TOX3: variants seen among roughly 807,000 people sequenced by gnomAD.
TOX3 encodes TOX high mobility group box family member 3, also known as CAG trinucleotide repeat-containing gene F9 protein.
Under a neutral mutation model 64.3 loss-of-function variants are expected in TOX3, and 22 were observed. The observed-to-expected ratio is 0.34, with a 90% confidence interval of 0.24 to 0.49. TOX3 has a LOEUF of 0.49. Among genes scored for constraint, TOX3 ranks in the 20% least tolerant of loss-of-function variants. TOX3 has a pLI of 0.99. For synonymous variants in TOX3, 291 were observed against 273.6 expected, an observed-to-expected ratio of 1.06 and a Z score of -0.63; for missense variants, 661 against 714.4, an observed-to-expected ratio of 0.93 and a Z score of 0.85.
intron 4 of TOX3, among the ~76,000 whole-genome samples, chr16:52,449,622 C>T (rs529159661): frequency 6.6e-6 from 1 of 152,298 alleles, no homozygotes; most frequent in East Asian, 1.9e-4. Flanking sequence ...ATCACAAGAA[C>T]CAAACAAAAT....
In TOX3 at chr16:52,463,970, T is replaced by C; in HGVS notation, c.372A>G (p.Glu124=). Residue 124 remains glutamate, a synonymous_variant, in exon 3 of 7, where the codon GAA becomes GAG. Transcript: ENST00000219746. ...CACTGCTATGAAGCACGCCATCTTGTTCCACGAGATTTCTTGAGATTGTAA... is the reference window on the plus strand; with the variant it reads ...CACTGCTATGAAGCACGCCATCTTGCTCCACGAGATTTCTTGAGATTGTAA... The part of the protein sequence containing the change: ...PSITISRNLV[E]QDGVLHSSGL... The C allele has an allele frequency of 6.3e-7, 1 of 1,588,632 alleles. No homozygotes were observed. Among genetic ancestry groups the C allele is most frequent in the South Asian group, 1.2e-5 (1 of 86,840 alleles).
intron 1 of TOX3, among the ~76,000 whole-genome samples, chr16:52,494,138 T>A (rs1408563576): frequency 6.6e-6 from 1 of 152,214 alleles, no homozygotes; most frequent in African/African-American, 2.4e-5. Context: ...GCTAGGCTAA[T>A]TATTTTCTAA....
rs544721313 is a variant in TOX3, at chr16:52,506,378, C to T, written c.88-37804G>A. Among the ~76,000 whole-genome samples the T allele has an allele frequency of 1.1e-4, 16 of 152,286 alleles. No individual in the cohort carries two copies. In the South Asian group the frequency reaches 3.3e-3, roughly 32 times the overall value. On this transcript the variant is annotated intron_variant, in intron 1 of 6. Transcript: ENST00000219746. ...AAAGAGGATAGAACGAGAAGGTAAA[C>T]CATCTCTCAAAGGTGAGAAATCAAC...
At chr16:52,472,427 C>G (rs1961075713) in intron 1 of TOX3, among the ~76,000 whole-genome samples, 2 of 152,026 alleles carry the variant, frequency 1.3e-5, no homozygotes, top group Non-Finnish European at 1.5e-5. Context: ...TTTTATTTTC[C>G]CTGAATCTTT....
intron 1 of TOX3, among the ~76,000 whole-genome samples, chr16:52,534,353 G>C (rs995204945): frequency 6.6e-6 from 1 of 152,232 alleles, no homozygotes; most frequent in African/African-American, 2.4e-5. Flanking sequence ...AAAGTCAAAG[G>C]TTGGCTAGGT....
chr16:52,459,306 C>T (rs889944042), intron 3 of TOX3, among the ~76,000 whole-genome samples: 1 of 151,882 alleles, frequency 6.6e-6, no homozygotes, highest in East Asian at 1.9e-4. Context: ...AAGATCCTCT[C>T]TCTAAAAAAT....
intron 1 of TOX3, among the ~76,000 whole-genome samples, chr16:52,526,660 C>T (rs995996108): frequency 1.3e-5 from 2 of 152,132 alleles, no homozygotes; most frequent in Admixed American, 6.5e-5. Context: ...TTGTTGTCTT[C>T]AGCACTCCCC....
At position 52,439,290 on chromosome 16, in the gene TOX3, G is replaced by A; in HGVS notation, c.1666C>T (p.Gln556Ter). The A allele has an allele frequency of 6.2e-7, 1 of 1,613,940 alleles. No homozygotes were observed. Among genetic ancestry groups the A allele is most frequent in the Non-Finnish European group, 8.5e-7 (1 of 1,179,872 alleles). The part of the protein sequence containing the change: ...AIGSPQPASQ[Q>*]HQSQIQSQTQ... ...TGAGACTGTATTTGCGACTGGTGCT[G>A]CTGAGAGGCTGGCTGGGGGCTCCCG... The change falls in exon 7 of 7, where the codon CAG becomes TAG. Residue 556 changes from glutamine to a stop codon, truncating the protein, a stop_gained. Transcript: ENST00000219746. LOFTEE classifies it high-confidence loss of function.
chr16:52,468,447 G>T, intron 2 of TOX3, 62 bp downstream of exon 2: 2 of 1,435,050 alleles, frequency 1.4e-6, no homozygotes, highest in South Asian at 1.2e-5. Context: ...TTCCCTTCAA[G>T]CCTATTAAAT....
intron 1 of TOX3, among the ~76,000 whole-genome samples, chr16:52,475,179 C>G (rs774086326): frequency 6.6e-5 from 10 of 152,166 alleles, no homozygotes; most frequent in Non-Finnish European, 1.0e-4. Context: ...TGCCTTTCTC[C>G]TCCCACTAGA....
intron 3 of TOX3, among the ~76,000 whole-genome samples, chr16:52,463,705 T>A (rs944821631): frequency 6.6e-5 from 10 of 152,196 alleles, no homozygotes; most frequent in Non-Finnish European, 8.8e-5. Flanking sequence ...AAAAAAATCA[T>A]TTTAAATCAG....
intron 1 of TOX3, among the ~76,000 whole-genome samples, chr16:52,476,405 A>G (rs557780352): frequency 6.6e-6 from 1 of 152,316 alleles, no homozygotes; most frequent in East Asian, 1.9e-4. Context: ...ACCCAACTGC[A>G]CTTGTTTAAT....
At chr16:52,487,624 T>G (rs1961567611) in intron 1 of TOX3, among the ~76,000 whole-genome samples, 1 of 152,212 alleles carries the variant, frequency 6.6e-6, no homozygotes, top group Admixed American at 6.5e-5. Flanking sequence ...GGATTGTTTT[T>G]GTCTCTAGGA....
intron 1 of TOX3, among the ~76,000 whole-genome samples, chr16:52,509,114 T>G (rs1377302086): frequency 6.6e-6 from 1 of 152,188 alleles, no homozygotes; most frequent in Non-Finnish European, 1.5e-5. Context: ...AAATGCTTAT[T>G]TGGAATTATA....
intron 3 of TOX3, among the ~76,000 whole-genome samples, chr16:52,454,004 T>C (rs577147986): frequency 6.6e-6 from 1 of 152,308 alleles, no homozygotes; most frequent in East Asian, 1.9e-4. Flanking sequence ...TAGATACTAG[T>C]ACTATACTTA....
chr16:52,437,050 T>C lies in TOX3; in HGVS notation c.*2175A>G, dbSNP rs1040590867. The C allele has an allele frequency of 1.2e-4, 18 of 152,360 alleles. No individual in the cohort carries two copies. The highest frequency in any genetic ancestry group is 1.3e-4 in the Admixed American group (2 of 15,308). The allele number at this position is 152,360 out of a possible 1,614,324, so 9.4% of individuals were successfully genotyped here. On this transcript the variant is annotated 3_prime_UTR_variant, in exon 7 of 7. Transcript: ENST00000219746. ...GCTCTACTTCTGAAGGATCTGATGC[T>C]AGCACATCATTTCTTTGTGGAATAC...
intron 1 of TOX3, among the ~76,000 whole-genome samples, chr16:52,503,894 A>G (rs1173176836): frequency 6.6e-6 from 1 of 152,166 alleles, no homozygotes; most frequent in Admixed American, 6.5e-5. Flanking sequence ...AAATAAATAC[A>G]TTAAATAAAT....
upstream of TOX3, among the ~76,000 whole-genome samples, chr16:52,547,207 C>T (rs1963218919): frequency 2.1e-5 from 3 of 142,820 alleles, no homozygotes; most frequent in South Asian, 6.4e-4. Context: ...CCTCCCCGCG[C>T]CGCCGCCGCT....
chr16:52,507,638 A>G (rs1179773641), intron 1 of TOX3, among the ~76,000 whole-genome samples: 1 of 152,200 alleles, frequency 6.6e-6, no homozygotes, highest in African/African-American at 2.4e-5. Context: ...ATATTGCTTC[A>G]AAAACCTTTT....
Sources: gnomAD v4.1 joint callset for allele counts (sites outside exome capture counted in the v4.1 genomes callset) on GRCh38, gnomAD v4.1.1 for gene constraint, MANE v1.5 for transcripts, NCBI Gene and HGNC (gene_info 2026-07-23, HGNC 2026-07-21) for gene names.